The following LHFPL6 variants were observed in gnomAD, a reference collection of about 807,000 sequenced individuals.
LHFPL6 encodes LHFPL tetraspan subfamily member 6.
Under a neutral mutation model 20.6 loss-of-function variants are expected in LHFPL6, and 9 were observed. The observed-to-expected ratio is 0.44, with a 90% CI of 0.26 to 0.76. The LOEUF (loss-of-function observed/expected upper bound fraction) is 0.76. Ranked by LOEUF, LHFPL6 falls within the 30% of genes least tolerant of loss-of-function variation. The pLI, the probability that LHFPL6 is intolerant of heterozygous loss-of-function variation, is 0.20. For synonymous variants in LHFPL6, 105 were observed against 98.7 expected (o/e 1.06, Z -0.38); for missense variants, 218 against 253.5 (o/e 0.86, Z 0.95).
chr13:39,524,703 T>C lies in LHFPL6; in HGVS notation c.385+76129A>G, dbSNP rs181509631. Among the ~76,000 whole-genome samples the C allele has an allele frequency of 5.8e-4, 88 of 152,308 alleles. No individual in the cohort carries two copies. The Middle Eastern group carries it at 0.02, about 35-fold the overall frequency. ...TGATTGCTTTGCTCCAAACCAACTA[T>C]GTAGCAGTGGACTTAGGGGAACATG... On this transcript the variant is annotated intron_variant, in intron 2 of 3. Coordinates refer to ENST00000379589, the MANE Select transcript of LHFPL6 (RefSeq NM_005780.3).
At chr13:39,403,822 C>A (rs538659028) in intron 2 of LHFPL6, among the ~76,000 whole-genome samples, 13 of 152,272 alleles carry the variant, frequency 8.5e-5, no homozygotes, top group African/African-American at 3.1e-4. Context: ...ATGTAAGAAT[C>A]CAGCCAGGCC....
At position 39,439,521 on chromosome 13, in the gene LHFPL6, A is replaced by G. The variant is rs1432263785; in HGVS notation, c.386-60995T>C. Among the ~76,000 whole-genome samples, 3 of 152,134 alleles carry G rather than the reference A, an allele frequency of 2.0e-5. No homozygotes were observed. In the South Asian group the frequency reaches 6.2e-4, roughly 32 times the overall value. On this transcript the variant is annotated intron_variant, in intron 2 of 3. Transcript: ENST00000379589. ...TTGTATTTTGCAATGTGAGGGGGAC[A>G]TAAGATTTGGAGGGGTCTGGGATAT...
chr13:39,469,243 C>G (rs1296371655), intron 2 of LHFPL6, among the ~76,000 whole-genome samples: 1 of 152,190 alleles, frequency 6.6e-6, no homozygotes, highest in Non-Finnish European at 1.5e-5. Context: ...GCACTGTGTG[C>G]TGCCAGCCAC....
At position 39,511,187 on chromosome 13, in the gene LHFPL6, C is replaced by T. The variant is rs138217294; in HGVS notation, c.385+89645G>A. ...CGCACCTAGCCAAAATATTTTCTTA[C>T]GCAGTCTTTCAAATGGACAAAAAAA... On this transcript the variant is annotated intron_variant, in intron 2 of 3. Transcript: ENST00000379589. Among the ~76,000 whole-genome samples the T allele has an allele frequency of 2.5e-4, 38 of 152,034 alleles. 1 individual carries two copies. The highest frequency in any genetic ancestry group is 4.7e-4 in the Non-Finnish European group (32 of 67,954).
At chr13:39,526,346 C>T (rs1308270932) in intron 2 of LHFPL6, among the ~76,000 whole-genome samples, 2 of 152,104 alleles carry the variant, frequency 1.3e-5, no homozygotes, top group African/African-American at 4.8e-5. Flanking sequence ...ATATACATGG[C>T]AGGGGTTGGA....
chr13:39,599,731 A>C (rs1205588148), intron 2 of LHFPL6, among the ~76,000 whole-genome samples: 3 of 152,238 alleles, frequency 2.0e-5, no homozygotes, highest in Non-Finnish European at 4.4e-5. Context: ...ATGTTACTTG[A>C]AAGTTTTATA....
chr13:39,602,521 G>A (rs902285423), intron 1 of LHFPL6, among the ~76,000 whole-genome samples: 1 of 152,130 alleles, frequency 6.6e-6, no homozygotes, highest in Non-Finnish European at 1.5e-5. Context: ...GCGGGCAGGG[G>A]GCCCCCATCT....
intron 2 of LHFPL6, among the ~76,000 whole-genome samples, chr13:39,570,676 A>G (rs768470720): frequency 6.6e-6 from 1 of 152,180 alleles, no homozygotes; most frequent in Non-Finnish European, 1.5e-5. Flanking sequence ...CAATGATTTA[A>G]TCATGATTAT....
chr13:39,410,576 CAA>C (rs1308838111), intron 2 of LHFPL6, among the ~76,000 whole-genome samples: 1 of 152,110 alleles, frequency 6.6e-6, no homozygotes, highest in Non-Finnish European at 1.5e-5. Context: ...ACAAAACCAA[CAA>C]AAGACAGTCA....
At chr13:39,357,049 A>G (rs1163857463) in intron 3 of LHFPL6, among the ~76,000 whole-genome samples, 1 of 152,112 alleles carries the variant, frequency 6.6e-6, no homozygotes, top group Non-Finnish European at 1.5e-5. Context: ...GCATGAACCT[A>G]TAGTTCCAAC....
intron 2 of LHFPL6, among the ~76,000 whole-genome samples, chr13:39,471,015 T>G (rs1413241345): frequency 6.6e-6 from 1 of 152,220 alleles, no homozygotes; most frequent in African/African-American, 2.4e-5. Context: ...AGGAAAACCA[T>G]GAACTACATA....
At chr13:39,458,836 G>A (rs1872628665) in intron 2 of LHFPL6, among the ~76,000 whole-genome samples, 1 of 151,998 alleles carries the variant, frequency 6.6e-6, no homozygotes, top group African/African-American at 2.4e-5. Context: ...AGACATGAGA[G>A]TGCCAATATT....
chr13:39,455,801 C>G (rs2138424685), intron 2 of LHFPL6, among the ~76,000 whole-genome samples: 1 of 152,274 alleles, frequency 6.6e-6, no homozygotes, highest in African/African-American at 2.4e-5. Context: ...CTTGTTTTTT[C>G]TAACCACATT....
At chr13:39,431,527 A>G (rs778211437) in intron 2 of LHFPL6, among the ~76,000 whole-genome samples, 5 of 152,192 alleles carry the variant, frequency 3.3e-5, no homozygotes, top group South Asian at 2.1e-4. Flanking sequence ...GTTCTTCTCA[A>G]CCTTCCAACT....
In LHFPL6 at chr13:39,343,113, A is replaced by G. The variant is rs1358487532; in HGVS notation, c.*823T>C. 2 of 202,982 alleles carry G rather than the reference A, an allele frequency of 9.9e-6. No individual in the cohort carries two copies. The highest frequency in any genetic ancestry group is 2.3e-5 in the African/African-American group (1 of 43,684). The allele number at this position is 202,982 out of a possible 1,614,324, so 12.6% of individuals were successfully genotyped here. On this transcript the variant is annotated 3_prime_UTR_variant, in exon 4 of 4. Transcript: ENST00000379589. ...GGACAGAAAGTTGCCCCTTTTCTTCATAAGAATATCATAGCAGAAGCTACT... is the reference window on the plus strand; with the variant it reads ...GGACAGAAAGTTGCCCCTTTTCTTCGTAAGAATATCATAGCAGAAGCTACT...
intron 2 of LHFPL6, among the ~76,000 whole-genome samples, chr13:39,450,551 A>T (rs974678138): frequency 2.0e-5 from 3 of 152,144 alleles, no homozygotes; most frequent in Non-Finnish European, 2.9e-5. Context: ...ATAAAGAGAT[A>T]TCTGTGTCTC....
intron 2 of LHFPL6, among the ~76,000 whole-genome samples, chr13:39,437,064 T>C (rs763863133): frequency 3.3e-5 from 5 of 152,244 alleles, no homozygotes; most frequent in African/African-American, 7.2e-5. Flanking sequence ...AAGGCTTACA[T>C]ATTCTGGTAG....
At chr13:39,365,013 C>G (rs1344507645) in intron 3 of LHFPL6, among the ~76,000 whole-genome samples, 2 of 152,220 alleles carry the variant, frequency 1.3e-5, no homozygotes, top group Non-Finnish European at 2.9e-5. Flanking sequence ...AATCTGATCT[C>G]CAGGTGGGGG....
At chr13:39,415,323 C>G (rs1871321425) in intron 2 of LHFPL6, among the ~76,000 whole-genome samples, 1 of 152,074 alleles carries the variant, frequency 6.6e-6, no homozygotes, top group African/African-American at 2.4e-5. Context: ...TACTATATTG[C>G]CTCAGCCGAT....
Sources: gnomAD v4.1 joint callset for allele counts (sites outside exome capture counted in the v4.1 genomes callset) on GRCh38, gnomAD v4.1.1 for gene constraint, MANE v1.5 for transcripts, NCBI Gene and HGNC (gene_info 2026-07-23, HGNC 2026-07-21) for gene names.